AGAP1: variants seen among roughly 807,000 people sequenced by gnomAD.
AGAP1 encodes the protein arf-GAP with GTPase, ANK repeat and PH domain-containing protein 1.
A neutral mutation model predicts 105.3 loss-of-function variants in AGAP1; 29 were observed. The ratio of observed to expected loss-of-function variants is 0.28; its 90% CI spans 0.21 to 0.38. The LOEUF is 0.38. AGAP1 is among the 10% of genes least tolerant of loss of function. The pLI, the probability that AGAP1 is intolerant of heterozygous loss-of-function variation, is 1.00. For synonymous variants in AGAP1, 509 were observed against 485.9 expected (o/e 1.05, Z -0.63); for missense variants, 998 against 1,165.1 (o/e 0.86, Z 2.09).
chr2:235,511,874 A>G (rs75677775), intron 1 of AGAP1, among the ~76,000 whole-genome samples: 233 of 150,078 alleles, frequency 1.6e-3, no homozygotes, highest in African/African-American at 3.5e-3. Flanking sequence ...GTGTGTGTGT[A>G]TGTGAATGTG....
chr2:235,812,836 G>A (rs1187871101), intron 9 of AGAP1, among the ~76,000 whole-genome samples: 2 of 152,204 alleles, frequency 1.3e-5, no homozygotes, highest in African/African-American at 2.4e-5. Flanking sequence ...CCCGCCGAGC[G>A]TACGATGTCC....
rs140419821 is a variant in AGAP1 at position 235,843,007 on chromosome 2, G to A, written c.1050+35676G>A. On this transcript the variant is annotated intron_variant, in intron 9 of 17. Coordinates refer to ENST00000304032, the MANE Select transcript of AGAP1 (RefSeq NM_001037131.3). This position sits in a 1 kb window ranked among gnomAD's most constrained non-coding sequence, Gnocchi z 5.9. Reference sequence around the variant, plus strand: ...CTCCCAAAGTGCTGGAGTTACAGGCGTTAGCTGCCGTGCCCGGCCCGTGTG... The same window carrying A: ...CTCCCAAAGTGCTGGAGTTACAGGCATTAGCTGCCGTGCCCGGCCCGTGTG... Among the ~76,000 whole-genome samples, 107 of 152,330 alleles carry A rather than the reference G, an allele frequency of 7.0e-4. 1 individual carries two copies. The East Asian group carries it at 0.016, about 23-fold the overall frequency.
rs1019913869 is a variant in AGAP1, at chr2:235,550,963, G to T, written c.163+56114G>T. ...CTAATTTTTGTATTTTAGTAGAAAT[G>T]GGGTTTCACCATGTTGGGCAGGCTG... is the stretch of plus-strand genomic sequence containing the variant. On this transcript the variant is annotated intron_variant, in intron 1 of 17. Transcript: ENST00000304032. The surrounding 1 kb of genome is among the most constrained non-coding windows in gnomAD (Gnocchi z 4.6). Among the ~76,000 whole-genome samples, 11 of 152,050 alleles carry T rather than the reference G, an allele frequency of 7.2e-5. No homozygotes were observed. Among genetic ancestry groups the T allele is most frequent in the African/African-American group, 2.4e-4 (10 of 41,402 alleles).
rs75558773 is a variant in AGAP1 at position 235,774,571 on chromosome 2, A to G, written c.674-23188A>G. The G allele has an allele frequency of 9.1e-3, 2,828 of 310,118 alleles. 22 individuals carry two copies. Among genetic ancestry groups the G allele is most frequent in the Non-Finnish European group, 0.013 (2,062 of 155,736 alleles). 19.2% of individuals were successfully genotyped at this position (310,118 alleles called of 1,614,324 possible). A position where few individuals can be genotyped will look rare whatever the true frequency, so the allele number is the denominator to read the frequency against. Reference sequence around the variant, plus strand: ...AAGGACTGAAAACTGTCGCATTTAAAATGGAAATGAAGCCAGGGCTCTGAA... The same window carrying G: ...AAGGACTGAAAACTGTCGCATTTAAGATGGAAATGAAGCCAGGGCTCTGAA... On this transcript the variant is annotated intron_variant, in intron 6 of 17. Coordinates refer to ENST00000304032, the MANE Select transcript of AGAP1 (RefSeq NM_001037131.3).
At chr2:235,695,631 C>T (rs573690917) in intron 1 of AGAP1, among the ~76,000 whole-genome samples, 1 of 152,298 alleles carries the variant, frequency 6.6e-6, no homozygotes, top group Admixed American at 6.5e-5. Context: ...CTAGGTCTGC[C>T]TGTAAGCATA....
intron 1 of AGAP1, among the ~76,000 whole-genome samples, chr2:235,686,322 C>G (rs1949378052): frequency 6.6e-6 from 1 of 151,906 alleles, no homozygotes; most frequent in African/African-American, 2.4e-5. Flanking sequence ...GGTGGATGTG[C>G]TTTAGTGATA....
intron 1 of AGAP1, among the ~76,000 whole-genome samples, chr2:235,606,105 C>A (rs1945926571): frequency 6.6e-6 from 1 of 152,210 alleles, no homozygotes; most frequent in African/African-American, 2.4e-5. Context: ...GTTGAATATT[C>A]ATGGTTCCCA....
rs534187807 is a variant in AGAP1, at chr2:235,601,954, A to G, written c.163+107105A>G. 6.6e-6 allele frequency among the ~76,000 whole-genome samples: 1 copy of G among 151,976 alleles called. No individual in the cohort carries two copies. Among genetic ancestry groups the G allele is most frequent in the East Asian group, 1.9e-4 (1 of 5,152 alleles). ...CCCAAAAGGTCCATTCTCAAAGGAGACTCCAGGGTGACCCCTAAAACCCAA... is the reference window on the plus strand; with the variant it reads ...CCCAAAAGGTCCATTCTCAAAGGAGGCTCCAGGGTGACCCCTAAAACCCAA... On this transcript the variant is annotated intron_variant, in intron 1 of 17. Transcript: ENST00000304032. The surrounding 1 kb of genome is among the most constrained non-coding windows in gnomAD (Gnocchi z 4.4).
Position 235,672,534 on chromosome 2 carries a change from C to T in AGAP1, c.164-36645C>T, listed in dbSNP as rs140368373. Among the ~76,000 whole-genome samples the T allele has an allele frequency of 2.7e-3, 412 of 152,340 alleles. 1 individual carries two copies. The highest frequency in any genetic ancestry group is 6.8e-3 in the Middle Eastern group (2 of 294). On this transcript the variant is annotated intron_variant, in intron 1 of 17. Coordinates refer to ENST00000304032, the MANE Select transcript of AGAP1 (RefSeq NM_001037131.3). ...ATTATCCCATCCCTTCATGTATTCT[C>T]TTAAAATATGAGAACATGATGCGTG... is the stretch of plus-strand genomic sequence containing the variant.
At position 235,557,836 on chromosome 2, in the gene AGAP1, C is replaced by T. The variant is rs943475451; in HGVS notation, c.163+62987C>T. ...CATTTCGACAAGGGGAAGTTAGACACTTTAGATTCACAGTTAACTGTTGAT... is the reference window on the plus strand; with the variant it reads ...CATTTCGACAAGGGGAAGTTAGACATTTTAGATTCACAGTTAACTGTTGAT... On this transcript the variant is annotated intron_variant, in intron 1 of 17. Coordinates refer to ENST00000304032, the MANE Select transcript of AGAP1 (RefSeq NM_001037131.3). The surrounding 1 kb of genome is among the most constrained non-coding windows in gnomAD (Gnocchi z 4.7). 1.3e-5 allele frequency among the ~76,000 whole-genome samples: 2 copies of T among 152,184 alleles called. No individual in the cohort carries two copies. Among genetic ancestry groups the T allele is most frequent in the African/African-American group, 4.8e-5 (2 of 41,434 alleles).
In AGAP1 at chr2:236,105,740, C is replaced by G. The variant is rs1248631059; in HGVS notation, c.2115-14452C>G. ...TCCCGAGTAGCTGGGACTACAGGCGCCCGCCACCATGCCCGGCTGATTTTG... is the reference window on the plus strand; with the variant it reads ...TCCCGAGTAGCTGGGACTACAGGCGGCCGCCACCATGCCCGGCTGATTTTG... On this transcript the variant is annotated intron_variant, in intron 16 of 17. Coordinates refer to ENST00000304032, the MANE Select transcript of AGAP1 (RefSeq NM_001037131.3). The surrounding 1 kb of genome is among the most constrained non-coding windows in gnomAD (Gnocchi z 4.2). Among the ~76,000 whole-genome samples, 4 of 151,962 alleles carry G rather than the reference C, an allele frequency of 2.6e-5. No homozygotes were observed.
At chr2:236,091,386 T>C (rs1309306807) in intron 16 of AGAP1, among the ~76,000 whole-genome samples, 1 of 152,242 alleles carries the variant, frequency 6.6e-6, no homozygotes, top group Admixed American at 6.5e-5. Context: ...TTGCCTCTGC[T>C]CTGGAAAACA....
intron 10 of AGAP1, among the ~76,000 whole-genome samples, chr2:235,907,039 G>A (rs2051340045): frequency 6.6e-6 from 1 of 150,500 alleles, no homozygotes; most frequent in African/African-American, 2.4e-5. Context: ...AAAACAAAAA[G>A]GTAGACAGCC....
intron 1 of AGAP1, among the ~76,000 whole-genome samples, chr2:235,682,804 G>GTGTGTGTGTT (rs1949155372): frequency 6.6e-6 from 1 of 151,694 alleles, no homozygotes; most frequent in African/African-American, 2.4e-5. Flanking sequence ...ACACGTGTGT[G>GTGTGTGTGTT]TGTGTGTGTG....
rs74473231 is a variant in AGAP1 at position 235,883,228 on chromosome 2, A to G, written c.1051-117A>G. 0.018 allele frequency: 13,972 copies of G among 778,192 alleles called. 437 individuals are homozygous for G. The highest frequency in any genetic ancestry group is 0.087 in the South Asian group (5,615 of 64,450). The allele number at this position is 778,192 out of a possible 1,614,324, so 48.2% of individuals were successfully genotyped here. A position where few individuals can be genotyped will look rare whatever the true frequency, so the allele number is the denominator to read the frequency against. On this transcript the variant is annotated intron_variant, in intron 9 of 17. Transcript: ENST00000304032. The surrounding 1 kb of genome is among the most constrained non-coding windows in gnomAD (Gnocchi z 4.5). The stretch of plus-strand genomic sequence containing the variant: ...GGCATATCTTTTAGCATTCGCCAGT[A>G]TCACAGAGTGAAGTTCTGCACACAC...
rs1559704994 is a variant in AGAP1, at chr2:235,967,308, C to T, written c.1484-1154C>T. Among the ~76,000 whole-genome samples the T allele has an allele frequency of 6.6e-6, 1 of 152,194 alleles. No homozygotes were observed. Among genetic ancestry groups the T allele is most frequent in the Non-Finnish European group, 1.5e-5 (1 of 68,040 alleles). On this transcript the variant is annotated intron_variant, in intron 12 of 17. Coordinates refer to ENST00000304032, the MANE Select transcript of AGAP1 (RefSeq NM_001037131.3). This position sits in a 1 kb window ranked among gnomAD's most constrained non-coding sequence, Gnocchi z 4.7. Reference sequence around the variant, plus strand: ...CTCAGCGAGACCTACCCCAGCTACCCTATTTTAAATGACACCCCCCATCAC... The same window carrying T: ...CTCAGCGAGACCTACCCCAGCTACCTTATTTTAAATGACACCCCCCATCAC...
chr2:236,108,793 C>T (rs1367094017), intron 16 of AGAP1, among the ~76,000 whole-genome samples: 1 of 152,062 alleles, frequency 6.6e-6, no homozygotes, highest in Non-Finnish European at 1.5e-5. Flanking sequence ...CGCCCCAGCC[C>T]TGCCACACAC....
rs891307347 is a variant in AGAP1 at position 235,739,246 on chromosome 2, C to T, written c.311-1717C>T. On this transcript the variant is annotated intron_variant, in intron 3 of 17. Transcript: ENST00000304032. The surrounding 1 kb of genome is among the most constrained non-coding windows in gnomAD (Gnocchi z 5.3). Reference sequence around the variant, plus strand: ...CTAGGCCAGTATCGGGGTCTGGGGGCGACCGTCTGCAGCACCGTCACATAC... The same window carrying T: ...CTAGGCCAGTATCGGGGTCTGGGGGTGACCGTCTGCAGCACCGTCACATAC... Among the ~76,000 whole-genome samples, 1 of 152,198 alleles carries T rather than the reference C, an allele frequency of 6.6e-6. No individual in the cohort carries two copies. Among genetic ancestry groups the T allele is most frequent in the African/African-American group, 2.4e-5 (1 of 41,450 alleles).
Position 235,908,803 on chromosome 2 carries a change from G to A in AGAP1, c.1221G>A (p.Gly407=). Residue 407 remains glycine (G), a synonymous_variant, in exon 11 of 18, where the codon GGG becomes GGA. Transcript: ENST00000304032. The surrounding 1 kb of genome is among the most constrained non-coding windows in gnomAD (Gnocchi z 4.4). ...TGAGAACCACTGTGAAAGTCCCAGGGAAGAGGCCACCCCGAGCCACGTCAG... is the reference window on the plus strand; with the variant it reads ...TGAGAACCACTGTGAAAGTCCCAGGAAAGAGGCCACCCCGAGCCACGTCAG... ...DLLRTTVKVP[G]KRPPRATSAC... 6.2e-7 allele frequency: 1 copy of A among 1,613,780 alleles called. No individual in the cohort carries two copies. Among genetic ancestry groups the A allele is most frequent in the South Asian group, 1.1e-5 (1 of 91,056 alleles).
Sources: allele counts gnomAD v4.1 joint callset (sites outside exome capture counted in the v4.1 genomes callset), GRCh38; gene constraint gnomAD v4.1.1; non-coding constraint Gnocchi (gnomAD v3.1); transcripts MANE v1.5; gene names NCBI Gene and HGNC (gene_info 2026-07-23, HGNC 2026-07-21).